The following TTC34 variants were observed in gnomAD, a reference collection of about 807,000 sequenced individuals.
TTC34 encodes the protein tetratricopeptide repeat domain 34.
A neutral mutation model predicts 40.7 loss-of-function variants in TTC34; 44 were observed. The observed-to-expected ratio is 1.08, with a 90% CI of 0.85 to 1.39. The LOEUF (loss-of-function observed/expected upper bound fraction) is 1.39, where lower values mean the gene tolerates loss of function less well. Among genes scored for constraint, TTC34 ranks in the 40% most tolerant of loss-of-function variants. TTC34 has a pLI of 0.00. For synonymous variants in TTC34, 422 were observed against 398.6 expected (o/e 1.06, Z -0.70); for missense variants, 884 against 838.0 (o/e 1.05, Z -0.68).
intron 6 of TTC34, among the ~76,000 whole-genome samples, chr1:2,683,250 G>A (rs568275004): frequency 1.6e-5 from 2 of 121,760 alleles, no homozygotes; most frequent in Non-Finnish European, 3.5e-5. Context: ...AGCATCTGAT[G>A]GTTTGCAGCA....
chr1:2,681,782 C>A (rs201027532), intron 6 of TTC34, among the ~76,000 whole-genome samples: 37 of 119,854 alleles, frequency 3.1e-4, no homozygotes, highest in South Asian at 8.7e-4. Flanking sequence ...TCGGCACCCA[C>A]ACCCCCAGGT....
intron 2 of TTC34, among the ~76,000 whole-genome samples, chr1:2,791,129 C>T (rs1459796567): frequency 1.3e-5 from 2 of 152,244 alleles, no homozygotes; most frequent in African/African-American, 4.8e-5. Context: ...GCACCCTCCC[C>T]GCGCACCTGC....
chr1:2,686,695 A>AT (rs1640367755), intron 6 of TTC34, among the ~76,000 whole-genome samples: 5 of 148,918 alleles, frequency 3.4e-5, no homozygotes, highest in Admixed American at 6.7e-5. Context: ...CCAGGTGCGC[A>AT]CGTGACAGCC....
At chr1:2,779,471 G>C (rs940410014) in intron 6 of TTC34, among the ~76,000 whole-genome samples, 1 of 152,002 alleles carries the variant, frequency 6.6e-6, no homozygotes, top group Non-Finnish European at 1.5e-5. Flanking sequence ...TTACAGGCGC[G>C]TGCCACCACG....
chr1:2,788,361 G>A (rs796915778), intron 3 of TTC34, among the ~76,000 whole-genome samples: 1 of 149,556 alleles, frequency 6.7e-6, no homozygotes, highest in African/African-American at 2.5e-5. Context: ...TGGTGTGTGT[G>A]TTGTATGTGT....
chr1:2,769,904 C>T (rs1409105023), intron 6 of TTC34, among the ~76,000 whole-genome samples: 1 of 80,876 alleles, frequency 1.2e-5, no homozygotes, highest in Non-Finnish European at 2.4e-5. Flanking sequence ...CCTGGAGCTG[C>T]ACCCATACCC....
chr1:2,683,188 C>A (rs1570803446), intron 6 of TTC34, among the ~76,000 whole-genome samples: 1 of 141,494 alleles, frequency 7.1e-6, no homozygotes, highest in African/African-American at 2.6e-5. Context: ...GCGGAACCCA[C>A]GGCCACAGGC....
At chr1:2,759,593 C>G (rs1641623885) in intron 6 of TTC34, among the ~76,000 whole-genome samples, 4 of 152,156 alleles carry the variant, frequency 2.6e-5, no homozygotes, top group Non-Finnish European at 4.4e-5. Context: ...GGAACAGCAC[C>G]CACACCGCCA....
At chr1:2,753,657 C>A (rs1431179582) in intron 6 of TTC34, among the ~76,000 whole-genome samples, 40 of 102,726 alleles carry the variant, frequency 3.9e-4, no homozygotes, top group Non-Finnish European at 5.7e-4. Context: ...AGCACCCACA[C>A]CCCAGGTGAG....
At chr1:2,769,738 A>G (rs570930458) in intron 6 of TTC34, among the ~76,000 whole-genome samples, 4 of 149,050 alleles carry the variant, frequency 2.7e-5, no homozygotes, top group African/African-American at 5.0e-5. Context: ...GACAGCCTGG[A>G]GCAGCGCCCA....
chr1:2,748,841 A>C (rs1256391025), intron 6 of TTC34, among the ~76,000 whole-genome samples: 662 of 4,916 alleles, frequency 0.13, 8 homozygotes, highest in Middle Eastern at 0.25. Flanking sequence ...GCACCCACAA[A>C]CCCAGGTGAG....
intron 6 of TTC34, among the ~76,000 whole-genome samples, chr1:2,760,277 C>G (rs1641654575): frequency 3.2e-5 from 2 of 63,474 alleles, no homozygotes; most frequent in African/African-American, 1.3e-4. Flanking sequence ...GAGCAGCAGC[C>G]ACAACTCCAG....
intron 4 of TTC34, 66 bp downstream of exon 4, chr1:2,787,415 G>C: frequency 7.3e-7 from 1 of 1,378,408 alleles, no homozygotes; most frequent in Non-Finnish European, 9.6e-7. Context: ...GCCACGGGAG[G>C]CCTGTGCCCT....
At chr1:2,748,489 G>A (rs1641218316) in intron 6 of TTC34, among the ~76,000 whole-genome samples, 9 of 138,424 alleles carry the variant, frequency 6.5e-5, no homozygotes, top group Middle Eastern at 3.6e-3. Flanking sequence ...ATCCCCGGGT[G>A]AGCATCCGAT....
chr1:2,795,242 C>T (rs774180853), intron 2 of TTC34, among the ~76,000 whole-genome samples: 11 of 152,172 alleles, frequency 7.2e-5, no homozygotes, highest in Non-Finnish European at 1.6e-4. Flanking sequence ...GAGCAAGACC[C>T]TGTCTCAAAA....
exon 3 of TTC34, chr1:2,790,171 C>T (rs1382576303): frequency 5.0e-6 from 2 of 398,306 alleles, no homozygotes; most frequent in Non-Finnish European, 8.9e-6. Context: ...CCTCCTGCGC[C>T]TGAGCCCGGA....
At chr1:2,752,426 T>C (rs1641351680) in intron 6 of TTC34, among the ~76,000 whole-genome samples, 1 of 145,814 alleles carries the variant, frequency 6.9e-6, no homozygotes, top group African/African-American at 2.6e-5. Flanking sequence ...GGTGAGCATC[T>C]GACAGCCTGG....
At chr1:2,699,414 C>A (rs1400508424) in intron 6 of TTC34, among the ~76,000 whole-genome samples, 5 of 106,996 alleles carry the variant, frequency 4.7e-5, no homozygotes, top group African/African-American at 1.5e-4. Flanking sequence ...ACCCCACACC[C>A]CAAGGTGAGT....
chr1:2,789,603 C>T, exon 3 of TTC34: 3 of 1,395,334 alleles, frequency 2.2e-6, no homozygotes, highest in South Asian at 3.1e-5. Context: ...CCACGGGCCT[C>T]CTCCCGCAGC....
Sources: allele counts gnomAD v4.1 joint callset (sites outside exome capture counted in the v4.1 genomes callset), GRCh38; gene constraint gnomAD v4.1.1; transcripts MANE v1.5; gene names NCBI Gene and HGNC (gene_info 2026-07-23, HGNC 2026-07-21).